ANKRD22: variants seen among roughly 807,000 people sequenced by gnomAD.
ANKRD22 encodes the protein ankyrin repeat domain 22.
A neutral mutation model predicts 25.7 loss-of-function variants in ANKRD22; 24 were observed. The ratio of observed to expected loss-of-function variants is 0.93; its 90% CI spans 0.68 to 1.31. The LOEUF (loss-of-function observed/expected upper bound fraction) is 1.31, where lower values mean the gene tolerates loss of function less well. Ranked by LOEUF, ANKRD22 falls within the 50% of genes most tolerant of loss-of-function variation. ANKRD22 has a pLI of 0.00. For missense variants in ANKRD22, 214 were observed against 227.1 expected (o/e 0.94, Z 0.37); for synonymous variants, 84 against 84.3 (o/e 1.00, Z 0.02).
At chr10:88,841,999 CTTTTCTACACT>C (rs1844007507) in intron 1 of ANKRD22, among the ~76,000 whole-genome samples, 1 of 152,118 alleles carries the variant, frequency 6.6e-6, no homozygotes, top group Non-Finnish European at 1.5e-5. Flanking sequence ...CATCCCAAGA[CTTTTCTACACT>C]GTCTTATTCT....
intron 3 of ANKRD22, among the ~76,000 whole-genome samples, chr10:88,828,287 C>T (rs1311870595): frequency 6.6e-6 from 1 of 151,930 alleles, no homozygotes; most frequent in South Asian, 2.1e-4. Context: ...TTTTTTGCTC[C>T]CTTCAGAAAA....
intron 1 of ANKRD22, among the ~76,000 whole-genome samples, chr10:88,848,377 C>A (rs1363828497): frequency 6.6e-6 from 1 of 151,952 alleles, no homozygotes. Flanking sequence ...TCTCTCTGAA[C>A]TTTTGTGACT....
chr10:88,838,939 A>T (rs1843980183), intron 1 of ANKRD22, among the ~76,000 whole-genome samples: 1 of 152,180 alleles, frequency 6.6e-6, no homozygotes, highest in Admixed American at 6.5e-5. Flanking sequence ...AGGGTGCATG[A>T]GTTCCCATGG....
Position 88,822,852 on chromosome 10 carries a change from G to A in ANKRD22, c.*89C>T, listed in dbSNP as rs1027042042. The A allele has an allele frequency of 1.6e-6, 2 of 1,212,398 alleles. No homozygotes were observed. Among genetic ancestry groups the A allele is most frequent in the South Asian group, 1.3e-5 (1 of 74,648 alleles). The allele number at this position is 1,212,398 out of a possible 1,614,324, so 75.1% of individuals were successfully genotyped here. On this transcript the variant is annotated 3_prime_UTR_variant, in exon 6 of 6. Transcript: ENST00000371930. ...ATCCCCATAAAATGGTGGCATCCAG[G>A]TTAAATGGCCCACAGACCAAAAGTC...
At chr10:88,843,930 A>T (rs1434817204) in intron 1 of ANKRD22, among the ~76,000 whole-genome samples, 1 of 152,166 alleles carries the variant, frequency 6.6e-6, no homozygotes, top group Non-Finnish European at 1.5e-5. Context: ...CAACCTGCAA[A>T]CTGGGAATCA....
intron 1 of ANKRD22, among the ~76,000 whole-genome samples, chr10:88,843,411 G>T (rs890380421): frequency 6.6e-6 from 1 of 152,090 alleles, no homozygotes; most frequent in Non-Finnish European, 1.5e-5. Flanking sequence ...TCCTCATCAC[G>T]CCTAATCTTA....
intron 3 of ANKRD22, among the ~76,000 whole-genome samples, chr10:88,826,897 T>C (rs1270520332): frequency 6.6e-6 from 1 of 152,246 alleles, no homozygotes; most frequent in East Asian, 1.9e-4. Flanking sequence ...TTCATCATTG[T>C]GTCCCTAACA....
intron 3 of ANKRD22, among the ~76,000 whole-genome samples, chr10:88,826,927 C>T (rs1041360635): frequency 1.3e-5 from 2 of 152,202 alleles, no homozygotes; most frequent in African/African-American, 4.8e-5. Context: ...GCGTCTGGCA[C>T]ATAGTAGGTC....
At chr10:88,835,504 T>C (rs1279124895) in intron 1 of ANKRD22, among the ~76,000 whole-genome samples, 3 of 152,214 alleles carry the variant, frequency 2.0e-5, no homozygotes, top group African/African-American at 7.2e-5. Flanking sequence ...GCCTGTGGCT[T>C]CTAGGCTAAA....
At chr10:88,845,829 G>T (rs1002723364) in intron 1 of ANKRD22, among the ~76,000 whole-genome samples, 1 of 151,918 alleles carries the variant, frequency 6.6e-6, no homozygotes, top group Non-Finnish European at 1.5e-5. Context: ...AAACCCTAAT[G>T]GTCATATTAT....
At chr10:88,829,253 C>G (rs1284267853) in intron 2 of ANKRD22, among the ~76,000 whole-genome samples, 2 of 151,946 alleles carry the variant, frequency 1.3e-5, no homozygotes, top group Non-Finnish European at 2.9e-5. Context: ...GAAATATGCA[C>G]AAATAAATAT....
In ANKRD22 at chr10:88,840,762, T is replaced by C. The variant is rs118110477; in HGVS notation, c.22-8736A>G. Among the ~76,000 whole-genome samples the C allele has an allele frequency of 7.6e-3, 1,159 of 152,316 alleles. 6 individuals are homozygous for C. Among genetic ancestry groups the C allele is most frequent in the Non-Finnish European group, 0.013 (862 of 68,024 alleles). On this transcript the variant is annotated intron_variant, in intron 1 of 5. Transcript: ENST00000371930. ...CAAGTTAAGAAACCTTGGAGAATGA[T>C]AATAAAAACCTATTGGGTTTAATTT...
At chr10:88,847,602 T>C (rs533953841) in intron 1 of ANKRD22, among the ~76,000 whole-genome samples, 13 of 152,250 alleles carry the variant, frequency 8.5e-5, no homozygotes, top group African/African-American at 2.9e-4. Context: ...CCTATACCAC[T>C]GTCCAATTTA....
Position 88,826,023 on chromosome 10 carries a change from A to G in ANKRD22, c.399+15T>C, listed in dbSNP as rs753197979. The stretch of plus-strand genomic sequence containing the variant: ...TTTGAATATTTTTTCAAAATGGCTA[A>G]AAGTATAAACTTACACAATCTGTAG... On this transcript the variant is annotated intron_variant, in intron 4 of 5. Transcript: ENST00000371930. 1 of 1,597,184 alleles carries G rather than the reference A, an allele frequency of 6.3e-7. No homozygotes were observed. Among genetic ancestry groups the G allele is most frequent in the Non-Finnish European group, 8.6e-7 (1 of 1,168,808 alleles).
intron 1 of ANKRD22, among the ~76,000 whole-genome samples, chr10:88,833,923 C>G (rs1262564156): frequency 6.6e-6 from 1 of 152,228 alleles, no homozygotes; most frequent in East Asian, 1.9e-4. Context: ...AATTGTGGCT[C>G]TGTTACTACC....
intron 4 of ANKRD22, among the ~76,000 whole-genome samples, chr10:88,823,754 G>C (rs1051520224): frequency 6.7e-6 from 1 of 148,600 alleles, no homozygotes; most frequent in African/African-American, 2.5e-5. Context: ...CTCGAACCCG[G>C]GAGGCGGAGC....
intron 1 of ANKRD22, among the ~76,000 whole-genome samples, chr10:88,844,305 T>C (rs893402434): frequency 2.0e-5 from 3 of 152,144 alleles, no homozygotes; most frequent in Admixed American, 2.0e-4. Context: ...AAATTGGGTC[T>C]CGTAGACCAT....
Position 88,822,977 on chromosome 10 carries a change from A to G in ANKRD22, c.540T>C (p.Phe180=). The change falls in exon 6 of 6, where the codon TTT becomes TTC. Residue 180 remains phenylalanine, a synonymous_variant. Transcript: ENST00000371930. ...SSLDIARRLK[F]SQIELMLRKA... ...TCCTTAGCATTAATTCAATCTGGGA[A>G]AATTTTAATCTCCGTGCAATATCCA... The G allele has an allele frequency of 6.2e-7, 1 of 1,613,654 alleles. No homozygotes were observed. The highest frequency in any genetic ancestry group is 8.5e-7 in the Non-Finnish European group (1 of 1,179,630).
chr10:88,833,785 T>A (rs149472971), intron 1 of ANKRD22, among the ~76,000 whole-genome samples: 159 of 152,362 alleles, frequency 1.0e-3, no homozygotes, highest in African/African-American at 3.5e-3. Context: ...TATTCTGTTA[T>A]CCTGAAGTCT....
Sources: gnomAD v4.1 joint callset for allele counts (sites outside exome capture counted in the v4.1 genomes callset) on GRCh38, gnomAD v4.1.1 for gene constraint, MANE v1.5 for transcripts, NCBI Gene and HGNC (gene_info 2026-07-23, HGNC 2026-07-21) for gene names.